The following PREX1 variants were observed in gnomAD, a reference collection of about 807,000 sequenced individuals.
PREX1 encodes the protein phosphatidylinositol-3,4,5-trisphosphate dependent Rac exchange factor 1, also known as phosphatidylinositol 3,4,5-trisphosphate-dependent Rac exchanger 1 protein.
Under a neutral mutation model 198.3 loss-of-function variants are expected in PREX1, and 41 were observed. That is an observed-to-expected ratio of 0.21 (90% CI 0.16 to 0.27). The LOEUF (loss-of-function observed/expected upper bound fraction) is 0.27. Among genes scored for constraint, PREX1 ranks in the 10% least tolerant of loss-of-function variants. The pLI, the probability that PREX1 is intolerant of heterozygous loss-of-function variation, is 1.00. For missense variants in PREX1, 1,620 were observed against 2,200.7 expected (o/e 0.74, Z 5.28); for synonymous variants, 843 against 887.2 (o/e 0.95, Z 0.89).
intron 7 of PREX1, among the ~76,000 whole-genome samples, chr20:48,695,479 C>T (rs1421289223): frequency 6.6e-6 from 1 of 152,230 alleles, no homozygotes; most frequent in Non-Finnish European, 1.5e-5. Context: ...GAATGATTAG[C>T]TTTAGGAGAT....
intron 1 of PREX1, among the ~76,000 whole-genome samples, chr20:48,806,661 G>A (rs1303447075): frequency 6.6e-6 from 1 of 152,194 alleles, no homozygotes; most frequent in African/African-American, 2.4e-5. Flanking sequence ...CCAGTAAGAG[G>A]AGGAGCCGGG....
chr20:48,644,160 C>A (rs1601038356), intron 27 of PREX1, among the ~76,000 whole-genome samples: 1 of 152,206 alleles, frequency 6.6e-6, no homozygotes, highest in East Asian at 1.9e-4. Flanking sequence ...ATGACATTCA[C>A]GGAGAACATC....
chr20:48,860,517 T>C, the PREX1 span, among the ~76,000 whole-genome samples: 1 of 152,212 alleles, frequency 6.6e-6, no homozygotes, highest in Non-Finnish European at 1.5e-5. Flanking sequence ...AGTTAAGATG[T>C]TACATTTTAT....
At chr20:48,727,434 T>C (rs1237995753) in intron 4 of PREX1, among the ~76,000 whole-genome samples, 2 of 152,088 alleles carry the variant, frequency 1.3e-5, no homozygotes, top group Non-Finnish European at 2.9e-5. Flanking sequence ...GCCTCTTCTC[T>C]GGAATGTATT....
intron 1 of PREX1, among the ~76,000 whole-genome samples, chr20:48,789,563 C>T (rs978472880): frequency 2.6e-5 from 4 of 152,200 alleles, no homozygotes; most frequent in Admixed American, 2.0e-4. Flanking sequence ...GTGGCAGGGC[C>T]AGGCTATCAG....
intron 5 of PREX1, among the ~76,000 whole-genome samples, chr20:48,718,947 A>G (rs1452309434): frequency 6.6e-6 from 1 of 152,236 alleles, no homozygotes; most frequent in Non-Finnish European, 1.5e-5. Context: ...TAAGCATAAA[A>G]ACCATTACAA....
At chr20:48,880,386 A>G in the PREX1 span, among the ~76,000 whole-genome samples, 1 of 152,196 alleles carries the variant, frequency 6.6e-6, no homozygotes, top group Non-Finnish European at 1.5e-5. Flanking sequence ...CTCTTACACA[A>G]ATGAAATCTA....
At chr20:48,739,764 A>G (rs2090072941) in intron 3 of PREX1, among the ~76,000 whole-genome samples, 1 of 152,240 alleles carries the variant, frequency 6.6e-6, no homozygotes, top group South Asian at 2.1e-4. Context: ...CAGACTCTAC[A>G]GCCTGACTGT....
At chr20:48,697,461 ACCT>A (rs2089853091) in intron 7 of PREX1, among the ~76,000 whole-genome samples, 1 of 151,144 alleles carries the variant, frequency 6.6e-6, no homozygotes, top group African/African-American at 2.4e-5. Flanking sequence ...GCTCACTGCA[ACCT>A]CCGCCTCCTG....
the PREX1 span, among the ~76,000 whole-genome samples, chr20:48,842,816 A>T: frequency 6.6e-5 from 10 of 152,010 alleles, no homozygotes; most frequent in Non-Finnish European, 1.5e-5. Flanking sequence ...CAGTTTTTGC[A>T]TCTATAAATG....
intron 7 of PREX1, among the ~76,000 whole-genome samples, chr20:48,699,407 A>G (rs1389084397): frequency 2.0e-5 from 3 of 152,148 alleles, no homozygotes; most frequent in African/African-American, 7.2e-5. Context: ...CCTGCTGAAC[A>G]TGAAAACTTA....
At chr20:48,856,350 C>T in the PREX1 span, among the ~76,000 whole-genome samples, 3 of 152,188 alleles carry the variant, frequency 2.0e-5, no homozygotes, top group African/African-American at 4.8e-5. Flanking sequence ...ATGCACTGGA[C>T]GACGCCCATG....
chr20:48,755,303 G>A (rs1348947832), intron 1 of PREX1, among the ~76,000 whole-genome samples: 1 of 152,176 alleles, frequency 6.6e-6, no homozygotes, highest in South Asian at 2.1e-4. Context: ...CATACTACAA[G>A]AAACTATGTA....
chr20:48,644,329 G>A (rs1478238805), intron 27 of PREX1, 80 bp downstream of exon 27: 2 of 1,199,588 alleles, frequency 1.7e-6, no homozygotes, highest in African/African-American at 3.1e-5. Context: ...GCAGAGGAAA[G>A]TATAATAAAA....
chr20:48,683,830 C>A (rs2089768342), intron 10 of PREX1, among the ~76,000 whole-genome samples: 1 of 152,162 alleles, frequency 6.6e-6, no homozygotes, highest in Non-Finnish European at 1.5e-5. Flanking sequence ...CTAACTCTAT[C>A]AGGTCAGTGG....
rs1399542806 is a variant in PREX1 at position 48,734,557 on chromosome 20, C to T, written c.508G>A (p.Ala170Thr). The T allele has an allele frequency of 7.4e-6, 12 of 1,613,944 alleles. No individual in the cohort carries two copies. The highest frequency in any genetic ancestry group is 3.3e-5 in the Admixed American group (2 of 60,020). ...ACGGGTCAACTTACCAAAAGGAAGG[C>T]GCGCACGGTAGGGATCTTGTTCAGC... ...VELNKIPTVR[A>T]FLLSCMLLGG... Residue 170 changes from alanine to threonine, a missense_variant, in exon 4 of 40, where the codon GCC (alanine) becomes ACC (threonine). Ala to Thr is a moderately conservative substitution (Grantham distance 58, BLOSUM62 0). Around this residue, in one of 7 missense-constraint regions of PREX1, gnomAD observed 488 missense variants for 802.5 expected, o/e 0.61. Coordinates refer to ENST00000371941, the MANE Select transcript of PREX1 (RefSeq NM_020820.4).
intron 3 of PREX1, among the ~76,000 whole-genome samples, chr20:48,744,578 C>A (rs970348809): frequency 3.3e-5 from 5 of 152,230 alleles, no homozygotes; most frequent in Non-Finnish European, 5.9e-5. Flanking sequence ...CAAGCGTCAG[C>A]CTCTCTGACC....
chr20:48,866,047 C>T, the PREX1 span, among the ~76,000 whole-genome samples: 1 of 151,486 alleles, frequency 6.6e-6, no homozygotes, highest in Non-Finnish European at 1.5e-5. Context: ...TTCCTCGGCT[C>T]AAGCAATCCT....
rs138644319 is a variant in PREX1 at position 48,751,378 on chromosome 20, C to T, written c.220-3498G>A. ...CGCACTCCGCTGGCCTAGATTGGGGCTTCCTGTCCTGGTTTCTTCACACGA... is the reference window on the plus strand; with the variant it reads ...CGCACTCCGCTGGCCTAGATTGGGGTTTCCTGTCCTGGTTTCTTCACACGA... On this transcript the variant is annotated intron_variant, in intron 1 of 39. Transcript: ENST00000371941. Among the ~76,000 whole-genome samples, 13 of 152,360 alleles carry T rather than the reference C, an allele frequency of 8.5e-5. No homozygotes were observed. In the East Asian group the frequency reaches 2.1e-3, roughly 25 times the overall value.
Sources: gnomAD v4.1 joint callset for allele counts (sites outside exome capture counted in the v4.1 genomes callset) on GRCh38, gnomAD v4.1.1 for gene constraint, gnomAD v4.1.1 regional missense constraint, MANE v1.5 for transcripts, NCBI Gene and HGNC (gene_info 2026-07-23, HGNC 2026-07-21) for gene names.